The following NDRG3 variants were observed in gnomAD, a reference collection of about 807,000 sequenced individuals.
NDRG3 encodes the protein protein NDRG3.
Under a neutral mutation model 57.2 loss-of-function variants are expected in NDRG3, and 23 were observed. That is an observed-to-expected ratio of 0.40 (90% CI 0.29 to 0.57). The LOEUF (loss-of-function observed/expected upper bound fraction) is 0.57. Among genes scored for constraint, NDRG3 ranks in the 20% least tolerant of loss-of-function variants. The pLI is 0.42. For missense variants in NDRG3, 384 were observed against 457.3 expected, an observed-to-expected ratio of 0.84 and a Z score of 1.46; for synonymous variants, 132 against 162.6, an observed-to-expected ratio of 0.81 and a Z score of 1.43.
chr20:36,733,165 AAAAAAAATATATATATATATATAT>A (rs1222123136), intron 1 of NDRG3, among the ~76,000 whole-genome samples: 2,212 of 44,558 alleles, frequency 0.05, 117 homozygotes, highest in Middle Eastern at 0.074. Context: ...AAAAAAAAAA[AAAAAAAATATATATATATATATAT>A]ATATATATAT....
At chr20:36,674,881 G>A (rs1383523563) in intron 8 of NDRG3, among the ~76,000 whole-genome samples, 3 of 131,568 alleles carry the variant, frequency 2.3e-5, no homozygotes, top group Non-Finnish European at 4.7e-5. Context: ...ACCATGCCCA[G>A]CCAGATTTTT....
intron 3 of NDRG3, among the ~76,000 whole-genome samples, chr20:36,702,145 T>C (rs1363200827): frequency 6.7e-6 from 1 of 149,040 alleles, no homozygotes; most frequent in African/African-American, 2.5e-5. Context: ...AAATGTCAAC[T>C]TTTTTTTTTG....
intron 3 of NDRG3, among the ~76,000 whole-genome samples, chr20:36,698,907 TTC>T (rs775231620): frequency 2.6e-5 from 4 of 152,162 alleles, no homozygotes; most frequent in Middle Eastern, 6.8e-3. Flanking sequence ...ACACTATAGA[TTC>T]TGTTTATTTA....
chr20:36,661,728 G>T (rs977294853), intron 12 of NDRG3, among the ~76,000 whole-genome samples: 1 of 152,202 alleles, frequency 6.6e-6, no homozygotes, highest in Non-Finnish European at 1.5e-5. Context: ...CACAGAAGGT[G>T]TCTGAAGTGA....
Position 36,711,033 on chromosome 20 carries a change from C to A in NDRG3, c.58-4026G>T, listed in dbSNP as rs1029206572. The stretch of plus-strand genomic sequence containing the variant: ...TGGTGGCTCACCCGTATAATCCCAG[C>A]ACTTTGGGAGTCCGGGGCGGGTGGA... On this transcript the variant is annotated intron_variant, in intron 2 of 15. Coordinates refer to ENST00000349004, the MANE Select transcript of NDRG3 (RefSeq NM_032013.4). 4.0e-5 allele frequency among the ~76,000 whole-genome samples: 6 copies of A among 150,826 alleles called. 1 individual carries two copies. Among genetic ancestry groups the A allele is most frequent in the Admixed American group, 2.0e-4 (3 of 15,054 alleles).
intron 7 of NDRG3, among the ~76,000 whole-genome samples, chr20:36,681,273 AC>A (rs1600888422): frequency 6.6e-6 from 1 of 152,082 alleles, no homozygotes; most frequent in East Asian, 1.9e-4. Flanking sequence ...TTTTTCTGAA[AC>A]CATCTGAACA....
At chr20:36,667,592 C>A (rs1274588523) in intron 9 of NDRG3, among the ~76,000 whole-genome samples, 1 of 152,154 alleles carries the variant, frequency 6.6e-6, no homozygotes, top group Non-Finnish European at 1.5e-5. Flanking sequence ...GAGCTAGCTG[C>A]CAGATTCTTG....
intron 1 of NDRG3, among the ~76,000 whole-genome samples, chr20:36,743,726 G>A (rs1178280739): frequency 6.7e-6 from 1 of 148,736 alleles, no homozygotes. Context: ...GCTGAGGCAG[G>A]AGAATGGCGT....
intron 3 of NDRG3, among the ~76,000 whole-genome samples, chr20:36,690,743 CGAA>C (rs1982199335): frequency 2.5e-4 from 1 of 3,922 alleles, no homozygotes; most frequent in African/African-American, 1.6e-3. Context: ...GCTCAGGAAC[CGAA>C]TAGAGCAGAC....
rs1021703152 is a variant in NDRG3 at position 36,702,296 on chromosome 20, C to T, written c.93+4676G>A. Among the ~76,000 whole-genome samples, 13 of 151,952 alleles carry T rather than the reference C, an allele frequency of 8.6e-5. 1 individual carries two copies. The highest frequency in any genetic ancestry group is 2.7e-4 in the African/African-American group (11 of 41,350). On this transcript the variant is annotated intron_variant, in intron 3 of 15. Transcript: ENST00000349004. ...GGACCACAGGTGCCCGCCACTATGC[C>T]GGCTAATTTTTTTGTATTTTTAGTA... is the stretch of plus-strand genomic sequence containing the variant.
At chr20:36,683,682 A>G (rs1260140165) in intron 6 of NDRG3, among the ~76,000 whole-genome samples, 1 of 148,606 alleles carries the variant, frequency 6.7e-6, no homozygotes, top group African/African-American at 2.5e-5. Context: ...ATATACACAC[A>G]CATATATGTA....
intron 8 of NDRG3, among the ~76,000 whole-genome samples, chr20:36,672,701 C>T (rs996567584): frequency 1.4e-4 from 22 of 151,884 alleles, no homozygotes; most frequent in African/African-American, 5.3e-4. Flanking sequence ...TGGTGGTGTG[C>T]GCCTGTAGTC....
At chr20:36,735,337 G>A (rs899418725) in intron 1 of NDRG3, among the ~76,000 whole-genome samples, 1 of 152,190 alleles carries the variant, frequency 6.6e-6, no homozygotes, top group Non-Finnish European at 1.5e-5. Context: ...TCAGATTAGG[G>A]ATGCTCAACT....
chr20:36,703,356 T>C (rs138671440), intron 3 of NDRG3, among the ~76,000 whole-genome samples: 4,079 of 151,922 alleles, frequency 0.027, 87 homozygotes, highest in Middle Eastern at 0.062. Context: ...CACACACACA[T>C]ATATATATAC....
intron 3 of NDRG3, among the ~76,000 whole-genome samples, chr20:36,692,182 G>T (rs1231514767): frequency 1.3e-5 from 2 of 152,176 alleles, no homozygotes; most frequent in Non-Finnish European, 2.9e-5. Context: ...TGACCAGGAT[G>T]CAGAGAAATA....
chr20:36,714,825 C>T (rs1294476708), intron 2 of NDRG3, among the ~76,000 whole-genome samples: 1 of 150,964 alleles, frequency 6.6e-6, no homozygotes, highest in Non-Finnish European at 1.5e-5. Flanking sequence ...GTTGGTAAGG[C>T]TGGTCTCGAA....
At chr20:36,680,705 T>C (rs1167897142) in intron 8 of NDRG3, 111 bp downstream of exon 8, 14 of 715,030 alleles carry the variant, frequency 2.0e-5, no homozygotes, top group Admixed American at 4.8e-5. Flanking sequence ...TTCTTCAAGC[T>C]ATATACTTAA....
intron 1 of NDRG3, among the ~76,000 whole-genome samples, chr20:36,725,321 G>A (rs1479320199): frequency 6.7e-6 from 1 of 149,648 alleles, no homozygotes; most frequent in Non-Finnish European, 1.5e-5. Context: ...AAGAAAATAT[G>A]GAAATTGGCC....
chr20:36,676,240 A>G (rs911523332), intron 8 of NDRG3, among the ~76,000 whole-genome samples: 5 of 151,986 alleles, frequency 3.3e-5, no homozygotes, highest in African/African-American at 1.2e-4. Flanking sequence ...ATCCGTCTCA[A>G]AAAAAAATAA....
Sources: gnomAD v4.1 joint callset for allele counts (sites outside exome capture counted in the v4.1 genomes callset) on GRCh38, gnomAD v4.1.1 for gene constraint, MANE v1.5 for transcripts, NCBI Gene and HGNC (gene_info 2026-07-23, HGNC 2026-07-21) for gene names.